The following ZFPM2 variants were observed in gnomAD, a reference collection of about 807,000 sequenced individuals.
The protein encoded by ZFPM2 is zinc finger protein ZFPM2.
Under a neutral mutation model 98.6 loss-of-function variants are expected in ZFPM2, and 20 were observed. The observed-to-expected ratio is 0.20, with a 90% CI of 0.14 to 0.29. The LOEUF (loss-of-function observed/expected upper bound fraction) is 0.29, where lower values mean the gene tolerates loss of function less well. Ranked by LOEUF, ZFPM2 falls within the 10% of genes least tolerant of loss-of-function variation. The pLI, the probability that ZFPM2 is intolerant of heterozygous loss-of-function variation, is 1.00. For missense variants in ZFPM2, 1,310 were observed against 1,388.6 expected, an observed-to-expected ratio of 0.94 and a Z score of 0.90; for synonymous variants, 518 against 502.7, an observed-to-expected ratio of 1.03 and a Z score of -0.41.
chr8:105,338,103 A>G (rs1472470018), intron 1 of ZFPM2, among the ~76,000 whole-genome samples: 3 of 151,802 alleles, frequency 2.0e-5, no homozygotes, highest in Non-Finnish European at 4.4e-5. Flanking sequence ...TTATGCTTGT[A>G]TAGCAACCTA....
At chr8:105,388,782 G>A (rs1019600676) in intron 1 of ZFPM2, among the ~76,000 whole-genome samples, 12 of 152,228 alleles carry the variant, frequency 7.9e-5, no homozygotes, top group African/African-American at 2.2e-4. Flanking sequence ...TCCTGCTGTT[G>A]CTAATATCCG....
chr8:105,698,483 G>A (rs1364105168), intron 5 of ZFPM2, among the ~76,000 whole-genome samples: 5 of 152,176 alleles, frequency 3.3e-5, no homozygotes, highest in Middle Eastern at 3.4e-3. Context: ...AAATGTTCTC[G>A]TTACTTCTTA....
intron 1 of ZFPM2, among the ~76,000 whole-genome samples, chr8:105,361,681 A>G (rs1812864502): frequency 1.3e-5 from 2 of 152,190 alleles, no homozygotes; most frequent in Non-Finnish European, 1.5e-5. Context: ...TTTTTAAAAA[A>G]TAAATTTTCA....
chr8:105,544,756 A>C (rs1408304575), intron 3 of ZFPM2, among the ~76,000 whole-genome samples: 5 of 152,194 alleles, frequency 3.3e-5, no homozygotes, highest in African/African-American at 1.2e-4. Context: ...ATGCAAGATG[A>C]TTACAGGGCC....
intron 1 of ZFPM2, among the ~76,000 whole-genome samples, chr8:105,344,647 T>C (rs1234063966): frequency 6.6e-6 from 1 of 152,136 alleles, no homozygotes; most frequent in African/African-American, 2.4e-5. Context: ...TATTTCTGTG[T>C]GCCCCCTTCA....
intron 1 of ZFPM2, 98 bp downstream of exon 1, chr8:105,319,079 G>A: frequency 1.5e-6 from 2 of 1,358,384 alleles, no homozygotes; most frequent in South Asian, 1.6e-5. Flanking sequence ...GGCTAGGGGA[G>A]ATCCGCTCCC....
intron 3 of ZFPM2, among the ~76,000 whole-genome samples, chr8:105,490,013 C>A (rs1203573679): frequency 1.3e-5 from 2 of 152,076 alleles, no homozygotes; most frequent in East Asian, 3.9e-4. Context: ...CTTTGGGAGG[C>A]CAAGGTGGGT....
chr8:105,355,908 A>G (rs1424240619), intron 1 of ZFPM2, among the ~76,000 whole-genome samples: 4 of 152,220 alleles, frequency 2.6e-5, no homozygotes, highest in Non-Finnish European at 2.9e-5. Context: ...CAGATTTTGT[A>G]ATGAACTGGT....
chr8:105,760,416 A>G (rs1404003566), intron 5 of ZFPM2, among the ~76,000 whole-genome samples: 2 of 152,114 alleles, frequency 1.3e-5, no homozygotes, highest in African/African-American at 2.4e-5. Context: ...AAACATTTTC[A>G]GTCATTATGG....
intron 4 of ZFPM2, among the ~76,000 whole-genome samples, chr8:105,596,739 C>CTTTTTTGTTTTTTTTTT (rs1815978669): frequency 1.7e-5 from 1 of 58,932 alleles, no homozygotes; most frequent in Non-Finnish European, 3.4e-5. Context: ...CCTTTGTCTG[C>CTTTTTTGTTTTTTTTTT]TTTTTTTTTT....
chr8:105,690,814 A>G (rs985330177), intron 5 of ZFPM2: 15 of 152,176 alleles, frequency 9.9e-5, no homozygotes, highest in African/African-American at 3.1e-4. Context: ...CCATCTACCA[A>G]TCAGTGGTCA....
intron 2 of ZFPM2, among the ~76,000 whole-genome samples, chr8:105,437,589 C>A (rs1157133246): frequency 1.3e-5 from 2 of 152,176 alleles, no homozygotes; most frequent in Admixed American, 1.3e-4. Flanking sequence ...ACTTTTCAAA[C>A]TCTTTAGCAT....
Position 105,788,871 on chromosome 8 carries a change from T to C in ZFPM2, c.686T>C (p.Leu229Pro). The change falls in exon 6 of 8, where the codon CTG (leucine) becomes CCG (proline). Residue 229 changes from leucine to proline, a missense_variant. Leu to Pro is a moderately conservative substitution (Grantham distance 98, BLOSUM62 -3). Transcript: ENST00000407775. ...GCACGCCTGCTGGACTCAATTCAGC[T>C]GCTTCCTCAGCAAGCTGCCATGGCT... ...YPARLLDSIQ[L>P]LPQQAAMASI... The C allele has an allele frequency of 6.2e-7, 1 of 1,613,878 alleles. No individual in the cohort carries two copies.
intron 3 of ZFPM2, among the ~76,000 whole-genome samples, chr8:105,485,873 C>A (rs78339281): frequency 2.0e-5 from 3 of 151,982 alleles, no homozygotes; most frequent in Non-Finnish European, 2.9e-5. Flanking sequence ...CTAGAAGAAG[C>A]GATTTAAGCT....
rs1286021718 is a variant in ZFPM2, at chr8:105,801,753, C to A, written c.1671C>A (p.Phe557Leu). 6.2e-7 allele frequency: 1 copy of A among 1,613,894 alleles called. No homozygotes were observed. The highest frequency in any genetic ancestry group is 8.5e-7 in the Non-Finnish European group (1 of 1,179,856). Residue 557 changes from phenylalanine (F) to leucine (L), a missense_variant, in exon 8 of 8, where the codon TTC becomes TTA. Coordinates refer to ENST00000407775, the MANE Select transcript of ZFPM2 (RefSeq NM_012082.4). The part of the protein sequence containing the change: ...GATCFECNIT[F>L]NNLDNYLVHK... ...CTTGTTTTGAGTGTAACATAACATT[C>A]AATAATTTGGATAATTATCTAGTGC...
chr8:105,664,927 A>G (rs1474395424), intron 5 of ZFPM2, among the ~76,000 whole-genome samples: 3 of 152,188 alleles, frequency 2.0e-5, no homozygotes, highest in African/African-American at 4.8e-5. Flanking sequence ...AAAAAGTACT[A>G]GGAATTATTA....
rs144379314 is a variant in ZFPM2 at position 105,529,536 on chromosome 8, A to G, written c.302-31827A>G. On this transcript the variant is annotated intron_variant, in intron 3 of 7. Transcript: ENST00000407775. ...ATGAATGCAACCCAGACATAAATTCATGGTTGGCTTTCATGTGCTCTTCTA... is the reference window on the plus strand; with the variant it reads ...ATGAATGCAACCCAGACATAAATTCGTGGTTGGCTTTCATGTGCTCTTCTA... 5.9e-4 allele frequency among the ~76,000 whole-genome samples: 89 copies of G among 150,748 alleles called. 1 individual carries two copies. The East Asian group carries it at 0.016, about 27-fold the overall frequency.
chr8:105,733,191 T>A (rs1260674722), intron 5 of ZFPM2, among the ~76,000 whole-genome samples: 1 of 151,898 alleles, frequency 6.6e-6, no homozygotes, highest in Non-Finnish European at 1.5e-5. Context: ...TACACCCAGA[T>A]AGGCTGATGC....
chr8:105,751,723 G>A (rs866024269), intron 5 of ZFPM2, among the ~76,000 whole-genome samples: 6 of 151,678 alleles, frequency 4.0e-5, no homozygotes, highest in South Asian at 2.1e-4. Flanking sequence ...GTTTATGAGC[G>A]ATGGAGGGCT....
Sources: gnomAD v4.1 joint callset for allele counts (sites outside exome capture counted in the v4.1 genomes callset) on GRCh38, gnomAD v4.1.1 for gene constraint, MANE v1.5 for transcripts, NCBI Gene and HGNC (gene_info 2026-07-23, HGNC 2026-07-21) for gene names.